CSMD1: variants seen among roughly 807,000 people sequenced by gnomAD.
CSMD1 encodes CUB and sushi domain-containing protein 1.
Under a neutral mutation model 417.5 loss-of-function variants are expected in CSMD1, and 213 were observed. That is an observed-to-expected ratio of 0.51 (90% CI 0.46 to 0.57). The LOEUF (loss-of-function observed/expected upper bound fraction) is 0.57, where lower values mean the gene tolerates loss of function less well. CSMD1 is among the 20% of genes least tolerant of loss of function. The pLI is 0.00. For synonymous variants in CSMD1, 2,862 were observed against 1,736.8 expected (o/e 1.65, Z -16.11); for missense variants, 6,923 against 4,529.7 (o/e 1.53, Z -15.17).
chr8:3,962,638 G>A (rs1444553345), intron 5 of CSMD1, among the ~76,000 whole-genome samples: 2 of 152,140 alleles, frequency 1.3e-5, no homozygotes, highest in Admixed American at 6.5e-5. Context: ...AGGAGAGCAT[G>A]GACATTCAAT....
intron 3 of CSMD1, among the ~76,000 whole-genome samples, chr8:4,395,826 A>C (rs1804167766): frequency 6.6e-6 from 1 of 152,224 alleles, no homozygotes; most frequent in Non-Finnish European, 1.5e-5. Context: ...AAGTAGATAC[A>C]CATTAACTTA....
At position 2,938,629 on chromosome 8, in the gene CSMD1, C is replaced by G; in HGVS notation, c.10651G>C (p.Val3551Leu). ...GTGTTCAGAGTTGTGTCAAACCTCA[C>G]AGCCTTGGCTTCTGTGGGTTTTAAG... ...TNLKPTEAKA[V>L]RFDTTLNTVC... Residue 3551 changes from valine (V) to leucine (L), a missense_variant, in exon 70 of 70, where the codon GTG (valine) becomes CTG (leucine). By Grantham distance (32) the Val-to-Leu change is conservative. Coordinates refer to ENST00000635120, the MANE Select transcript of CSMD1 (RefSeq NM_033225.6). 8 of 1,612,194 alleles carry G rather than the reference C, an allele frequency of 5.0e-6. No individual in the cohort carries two copies. Among genetic ancestry groups the G allele is most frequent in the Non-Finnish European group, 6.8e-6 (8 of 1,179,172 alleles).
intron 10 of CSMD1, among the ~76,000 whole-genome samples, chr8:3,562,139 A>G (rs201453123): frequency 0.13 from 20,371 of 151,920 alleles, 2,068 homozygotes; most frequent in African/African-American, 0.26. Flanking sequence ...ACCCACAAAA[A>G]AAAAAAAAAT....
At chr8:3,248,827 C>G (rs914576644) in intron 26 of CSMD1, among the ~76,000 whole-genome samples, 1 of 152,078 alleles carries the variant, frequency 6.6e-6, no homozygotes, top group Non-Finnish European at 1.5e-5. Flanking sequence ...CTAAATTCTA[C>G]TTACTCTGTT....
At chr8:3,530,754 C>G (rs770868770) in intron 10 of CSMD1, among the ~76,000 whole-genome samples, 2 of 152,082 alleles carry the variant, frequency 1.3e-5, no homozygotes, top group East Asian at 1.9e-4. Context: ...GTCTCAAATT[C>G]CTGACCTCAG....
At chr8:4,322,234 T>C (rs533005219) in intron 3 of CSMD1, among the ~76,000 whole-genome samples, 2 of 152,364 alleles carry the variant, frequency 1.3e-5, no homozygotes, top group South Asian at 4.1e-4. Flanking sequence ...CATGTAATTT[T>C]ATTTGAAAAC....
intron 2 of CSMD1, among the ~76,000 whole-genome samples, chr8:4,437,151 G>A (rs1314900272): frequency 1.3e-5 from 2 of 152,086 alleles, no homozygotes; most frequent in Non-Finnish European, 1.5e-5. Flanking sequence ...TTTAGAAATG[G>A]CAAATCCAAT....
At chr8:4,084,789 C>G (rs2554645) in intron 3 of CSMD1, among the ~76,000 whole-genome samples, 22,437 of 145,394 alleles carry the variant, frequency 0.15, 2,097 homozygotes, top group South Asian at 0.37. Flanking sequence ...CATTTCCATT[C>G]AAGTCCTGCT....
chr8:4,754,246 G>A (rs985485221), intron 1 of CSMD1, among the ~76,000 whole-genome samples: 10 of 152,094 alleles, frequency 6.6e-5, no homozygotes, highest in African/African-American at 2.4e-4. Flanking sequence ...ATGTCTCAGA[G>A]AAGAAAATAA....
chr8:4,249,387 G>A (rs776078202), intron 3 of CSMD1, among the ~76,000 whole-genome samples: 1 of 152,190 alleles, frequency 6.6e-6, no homozygotes, highest in Non-Finnish European at 1.5e-5. Context: ...ATATTCCACA[G>A]AAAACAACTT....
At chr8:4,637,820 G>A (rs62486734) in intron 1 of CSMD1, among the ~76,000 whole-genome samples, 49 of 151,758 alleles carry the variant, frequency 3.2e-4, no homozygotes, top group Non-Finnish European at 5.3e-4. Context: ...ACAGGCGCCC[G>A]CCACCGCGCC....
At chr8:3,870,638 G>C (rs911739992) in intron 5 of CSMD1, among the ~76,000 whole-genome samples, 1 of 152,022 alleles carries the variant, frequency 6.6e-6, no homozygotes, top group African/African-American at 2.4e-5. Context: ...AGGTGAAATG[G>C]GATCTACTTA....
intron 3 of CSMD1, among the ~76,000 whole-genome samples, chr8:4,298,000 A>G (rs1437039353): frequency 6.6e-6 from 1 of 152,176 alleles, no homozygotes; most frequent in Non-Finnish European, 1.5e-5. Context: ...AAAATGTAGC[A>G]AACGCTTGTT....
At chr8:3,503,205 G>A (rs940719961) in intron 10 of CSMD1, among the ~76,000 whole-genome samples, 4 of 152,166 alleles carry the variant, frequency 2.6e-5, no homozygotes, top group African/African-American at 9.7e-5. Context: ...CACACACAAA[G>A]AAAGGGAGTT....
intron 3 of CSMD1, among the ~76,000 whole-genome samples, chr8:4,167,494 T>C (rs1797521426): frequency 6.6e-6 from 1 of 152,170 alleles, no homozygotes; most frequent in South Asian, 2.1e-4. Context: ...AAATTAAACC[T>C]ATAACATTTT....
intron 8 of CSMD1, among the ~76,000 whole-genome samples, chr8:3,594,921 G>A (rs2469357): frequency 0.86 from 130,774 of 152,138 alleles, 56,622 homozygotes; most frequent in East Asian, 1. Context: ...AAACCAGGAG[G>A]CAGAAGCAGG....
chr8:4,933,998 CTTTTT>C (rs71515690), intron 1 of CSMD1, among the ~76,000 whole-genome samples: 3,041 of 151,304 alleles, frequency 0.02, 70 homozygotes, highest in African/African-American at 0.058. Flanking sequence ...TACGTTTATG[CTTTTT>C]TTTTAAAAAA....
intron 2 of CSMD1, among the ~76,000 whole-genome samples, chr8:4,456,059 CAA>C (rs34519287): frequency 0.15 from 17,811 of 117,744 alleles, 1,182 homozygotes; most frequent in East Asian, 0.19. Context: ...TATCATTGAC[CAA>C]AAAAAAAAAA....
intron 1 of CSMD1, among the ~76,000 whole-genome samples, chr8:4,694,390 C>T (rs1345398523): frequency 6.6e-6 from 1 of 151,954 alleles, no homozygotes; most frequent in South Asian, 2.1e-4. Context: ...CTCGCTCTGT[C>T]GCCCAGGCTA....
Sources: gnomAD v4.1 joint callset for allele counts (sites outside exome capture counted in the v4.1 genomes callset) on GRCh38, gnomAD v4.1.1 for gene constraint, MANE v1.5 for transcripts, NCBI Gene and HGNC (gene_info 2026-07-23, HGNC 2026-07-21) for gene names.